Variants in SLC14A2 observed in about 807,000 individuals in gnomAD.
SLC14A2 encodes the protein urea transporter 2.
A neutral mutation model predicts 104.6 loss-of-function variants in SLC14A2; 91 were observed. The ratio of observed to expected loss-of-function variants is 0.87; its 90% CI spans 0.73 to 1.04. SLC14A2 has a LOEUF of 1.04. SLC14A2 is among the 50% of genes least tolerant of loss of function. The probability of loss-of-function intolerance (pLI) is 0.00; values close to 1 mark genes in which losing one functional copy is unlikely to be tolerated. For missense variants in SLC14A2, 1,189 were observed against 1,156.0 expected, an observed-to-expected ratio of 1.03 and a Z score of -0.41; for synonymous variants, 476 against 466.4, an observed-to-expected ratio of 1.02 and a Z score of -0.27.
intron 1 of SLC14A2, among the ~76,000 whole-genome samples, chr18:45,410,346 A>G (rs147565353): frequency 4.6e-5 from 7 of 152,186 alleles, no homozygotes; most frequent in Admixed American, 1.3e-4. Flanking sequence ...AACTTCATAA[A>G]CTTTCATGGG....
chr18:45,627,118 C>A lies in SLC14A2; in HGVS notation c.492C>A (p.Thr164=). 1 of 1,614,168 alleles carries A rather than the reference C, an allele frequency of 6.2e-7. No individual in the cohort carries two copies. Among genetic ancestry groups the A allele is most frequent in the Non-Finnish European group, 8.5e-7 (1 of 1,180,008 alleles). Residue 164 remains threonine (T), a synonymous_variant, in exon 4 of 20, where the codon ACC becomes ACA. Transcript: ENST00000255226. ...GGGGCCTGGGGACAGTGGTCTCGAC[C>A]TTAACAGCTCTCGCCTTGGGCCAAG... ...ITGGLGTVVS[T]LTALALGQDR...
intron 2 of SLC14A2, among the ~76,000 whole-genome samples, chr18:45,517,388 C>T (rs2043456322): frequency 6.6e-6 from 1 of 152,172 alleles, no homozygotes; most frequent in Non-Finnish European, 1.5e-5. Context: ...TCCCCCCTCC[C>T]AATAGATAAT....
At chr18:45,184,279 A>G in the SLC14A2 span, among the ~76,000 whole-genome samples, 1 of 152,218 alleles carries the variant, frequency 6.6e-6, no homozygotes, top group Non-Finnish European at 1.5e-5. Flanking sequence ...GCAATGAAAA[A>G]AGCAAATACA....
chr18:45,508,983 C>T (rs893415650), intron 2 of SLC14A2, among the ~76,000 whole-genome samples: 2 of 152,176 alleles, frequency 1.3e-5, no homozygotes, highest in African/African-American at 4.8e-5. Context: ...CCTTCAGATC[C>T]ATCTGAGGCA....
At chr18:45,623,866 A>G (rs1327034411) in intron 1 of SLC14A2, among the ~76,000 whole-genome samples, 4 of 152,194 alleles carry the variant, frequency 2.6e-5, no homozygotes, top group Non-Finnish European at 5.9e-5. Context: ...ATAAAAAGAT[A>G]TAACTGAGCT....
chr18:45,571,124 C>CTGAT (rs1222635111), intron 2 of SLC14A2, among the ~76,000 whole-genome samples: 18 of 152,292 alleles, frequency 1.2e-4, no homozygotes, highest in Admixed American at 2.6e-4. Context: ...TTCCTGAAGA[C>CTGAT]TGATTAACTC....
At chr18:45,584,371 C>T (rs997572395) in intron 2 of SLC14A2, among the ~76,000 whole-genome samples, 2 of 152,174 alleles carry the variant, frequency 1.3e-5, no homozygotes, top group African/African-American at 2.4e-5. Flanking sequence ...CAGGATCCTA[C>T]GCCACATGCC....
rs139633414 is a variant in SLC14A2 at position 45,527,458 on chromosome 18, C to A, written c.-35+44136C>A. On this transcript the variant is annotated intron_variant, in intron 2 of 20. Transcript: ENST00000586448. ...CTTAAGATAAAAGCAAGAAGACAGG[C>A]TTCCCTTAAAGTTAGCAATAGCAAT... Among the ~76,000 whole-genome samples the A allele has an allele frequency of 2.6e-3, 396 of 152,304 alleles. 1 individual carries two copies. The highest frequency in any genetic ancestry group is 9.0e-3 in the African/African-American group (376 of 41,564).
intron 1 of SLC14A2, among the ~76,000 whole-genome samples, chr18:45,376,612 G>A (rs2243809): frequency 0.071 from 10,775 of 152,154 alleles, 806 homozygotes; most frequent in African/African-American, 0.19. Context: ...CTGTTGATGC[G>A]ACAACGGATC....
intron 1 of SLC14A2, among the ~76,000 whole-genome samples, chr18:45,408,025 G>A (rs745428085): frequency 1.1e-4 from 16 of 152,186 alleles, no homozygotes; most frequent in Non-Finnish European, 2.1e-4. Flanking sequence ...ACTTGTTCAA[G>A]GCAGGGTTGC....
chr18:45,509,872 A>G (rs901257574), intron 2 of SLC14A2, among the ~76,000 whole-genome samples: 3 of 152,220 alleles, frequency 2.0e-5, no homozygotes, highest in African/African-American at 4.8e-5. Context: ...CCTCTGCTGC[A>G]TAGAGAAAGG....
In SLC14A2 at chr18:45,237,762, G is replaced by A. The variant is rs77825946; in HGVS notation, c.-125+24571G>A. 3.9e-3 allele frequency among the ~76,000 whole-genome samples: 591 copies of A among 152,318 alleles called. 4 individuals carry two copies. Among genetic ancestry groups the A allele is most frequent in the African/African-American group, 0.014 (565 of 41,568 alleles). ...GGCAAAAGATGATTCTCCTTCTCCA[G>A]AGCCTTCCTGAGAGGCTGACAGTAA... On this transcript the variant is annotated intron_variant, in intron 1 of 20. Transcript: ENST00000586448.
chr18:45,414,753 AAAAAATATATATATATAT>A (rs1490049550), intron 1 of SLC14A2, among the ~76,000 whole-genome samples: 6 of 64,010 alleles, frequency 9.4e-5, no homozygotes, highest in Non-Finnish European at 1.7e-4. Flanking sequence ...GTAAAAAAAA[AAAAAATATATATATATAT>A]ATATATATAT....
chr18:45,319,962 G>A (rs2085168965), intron 1 of SLC14A2, among the ~76,000 whole-genome samples: 1 of 152,170 alleles, frequency 6.6e-6, no homozygotes, highest in African/African-American at 2.4e-5. Flanking sequence ...GGCAGGTTTG[G>A]TACTTTAAAA....
At position 45,402,976 on chromosome 18, in the gene SLC14A2, A is replaced by G. The variant is rs114249425; in HGVS notation, c.-124-80257A>G. On this transcript the variant is annotated intron_variant, in intron 1 of 20. Transcript: ENST00000586448. Reference sequence around the variant, plus strand: ...CTTATTATTAGTAAGGCACTTCAGTATCACCTAACAGGATGTACTGATCTG... The same window carrying G: ...CTTATTATTAGTAAGGCACTTCAGTGTCACCTAACAGGATGTACTGATCTG... 3.2e-3 allele frequency among the ~76,000 whole-genome samples: 492 copies of G among 152,346 alleles called. 8 individuals are homozygous for G. Among genetic ancestry groups the G allele is most frequent in the African/African-American group, 0.011 (454 of 41,570 alleles).
chr18:45,500,482 C>T (rs2144758488), intron 2 of SLC14A2, among the ~76,000 whole-genome samples: 1 of 148,076 alleles, frequency 6.8e-6, no homozygotes, highest in African/African-American at 2.5e-5. Flanking sequence ...GAGGCTGAGG[C>T]AGGAGAATGG....
chr18:45,226,353 TAA>T (rs1291017350), intron 1 of SLC14A2, among the ~76,000 whole-genome samples: 1 of 152,168 alleles, frequency 6.6e-6, no homozygotes, highest in Non-Finnish European at 1.5e-5. Flanking sequence ...CATGCTGCTG[TAA>T]AGACTCATGC....
intron 1 of SLC14A2, among the ~76,000 whole-genome samples, chr18:45,345,069 T>C (rs1217508912): frequency 6.6e-6 from 1 of 151,966 alleles, no homozygotes; most frequent in Non-Finnish European, 1.5e-5. Context: ...TGTAATGGAG[T>C]TTCACCATGT....
intron 1 of SLC14A2, among the ~76,000 whole-genome samples, chr18:45,221,423 C>T (rs1477500582): frequency 5.3e-5 from 8 of 151,712 alleles, no homozygotes; most frequent in Admixed American, 1.3e-4. Context: ...TGGTCTCCTA[C>T]GGGCCAGTGT....
Sources: gnomAD v4.1 joint callset for allele counts (sites outside exome capture counted in the v4.1 genomes callset) on GRCh38, gnomAD v4.1.1 for gene constraint, MANE v1.5 for transcripts, NCBI Gene and HGNC (gene_info 2026-07-23, HGNC 2026-07-21) for gene names.